PCDHA3: variants seen among roughly 807,000 people sequenced by gnomAD.
PCDHA3 encodes the protein protocadherin alpha 3.
Under a neutral mutation model 62.2 loss-of-function variants are expected in PCDHA3, and 41 were observed. That is an observed-to-expected ratio of 0.66 (90% CI 0.51 to 0.86). The LOEUF (loss-of-function observed/expected upper bound fraction) is 0.86. PCDHA3 is among the 40% of genes least tolerant of loss of function. The pLI is 0.00. For missense variants in PCDHA3, 1,304 were observed against 1,241.2 expected (o/e 1.05, Z -0.76); for synonymous variants, 640 against 555.4 (o/e 1.15, Z -2.14).
At chr5:140,842,662 C>A in intron 1 of PCDHA3, 1 of 1,595,426 alleles carries the variant, frequency 6.3e-7, no homozygotes, top group East Asian at 2.2e-5. Context: ...AGGTGGCCGA[C>A]GTGAACGACA....
At chr5:140,968,849 G>A in intron 1 of PCDHA3, 1 of 1,614,206 alleles carries the variant, frequency 6.2e-7, no homozygotes, top group East Asian at 2.2e-5. Context: ...TCAGAGGCAT[G>A]TTAAGAGCCC....
intron 1 of PCDHA3, among the ~76,000 whole-genome samples, chr5:140,890,854 T>G (rs1320462436): frequency 6.6e-6 from 1 of 152,232 alleles, no homozygotes; most frequent in Non-Finnish European, 1.5e-5. Context: ...TTTCTCTTCC[T>G]TACTTCTTGC....
chr5:140,929,161 C>T lies in PCDHA3; in HGVS notation c.2395-49788C>T. On this transcript the variant is annotated intron_variant, in intron 1 of 3. Transcript: ENST00000522353. ...GAGACTTTCTCAGACTTATCTCTAT[C>T]GGGCCTCTCTGGGACTTGGTTCTGA... 2 of 1,614,136 alleles carry T rather than the reference C, an allele frequency of 1.2e-6. No homozygotes were observed. The highest frequency in any genetic ancestry group is 1.7e-6 in the Non-Finnish European group (2 of 1,180,028).
At chr5:140,862,742 T>A (rs2047519053) in intron 1 of PCDHA3, 2 of 577,562 alleles carry the variant, frequency 3.5e-6, no homozygotes, top group East Asian at 4.8e-5. Context: ...TATGTGTGGG[T>A]GCACGCGGAG....
At chr5:140,849,620 C>T in intron 1 of PCDHA3, 2 of 1,598,618 alleles carry the variant, frequency 1.3e-6, no homozygotes, top group Non-Finnish European at 1.7e-6. Flanking sequence ...TTAGTGTGAT[C>T]GACCTAGACG....
At chr5:140,989,317 C>G (rs184467267) in intron 3 of PCDHA3, among the ~76,000 whole-genome samples, 2 of 152,126 alleles carry the variant, frequency 1.3e-5, no homozygotes, top group Non-Finnish European at 2.9e-5. Context: ...TAGGGTCTCA[C>G]CAACTTTGCC....
At chr5:140,924,906 TA>T (rs1284498744) in intron 1 of PCDHA3, among the ~76,000 whole-genome samples, 1 of 55,776 alleles carries the variant, frequency 1.8e-5, no homozygotes, top group African/African-American at 8.7e-5. Flanking sequence ...AAAAAAAAAA[TA>T]AAATAAAATA....
At position 140,848,676 on chromosome 5, in the gene PCDHA3, C is replaced by A. The variant is rs2150416820; in HGVS notation, c.2394+45085C>A. 8.2e-6 allele frequency: 13 copies of A among 1,592,292 alleles called. 1 individual carries two copies. The African/African-American group carries it at 1.1e-4, about 13-fold the overall frequency. ...GGGGCTGGAGCTGGCGGAGCTGGTG[C>A]CGCGCCTGTTCCAGTTGGATTCCAA... On this transcript the variant is annotated intron_variant, in intron 1 of 3. Transcript: ENST00000522353.
intron 1 of PCDHA3, among the ~76,000 whole-genome samples, chr5:140,978,584 C>G (rs2096810786): frequency 6.6e-6 from 1 of 152,186 alleles, no homozygotes; most frequent in African/African-American, 2.4e-5. Flanking sequence ...TGGGAATGTT[C>G]CCTTAATGGG....
At chr5:140,941,570 C>T (rs892912533) in intron 1 of PCDHA3, among the ~76,000 whole-genome samples, 17 of 152,046 alleles carry the variant, frequency 1.1e-4, no homozygotes, top group African/African-American at 4.1e-4. Context: ...TCGCCTCAGC[C>T]TCCCAAAGTG....
At chr5:140,858,172 G>A (rs1554151243) in intron 1 of PCDHA3, 1 of 1,597,816 alleles carries the variant, frequency 6.3e-7, no homozygotes, top group South Asian at 1.1e-5. Context: ...TGTCCAGCTT[G>A]CTGGTGCTCA....
chr5:140,951,021 G>A (rs960559037), intron 1 of PCDHA3, among the ~76,000 whole-genome samples: 1 of 151,932 alleles, frequency 6.6e-6, no homozygotes, highest in Non-Finnish European at 1.5e-5. Context: ...CAGGCAGTGA[G>A]TTTTAATTTC....
At chr5:140,804,752 C>T (rs1763454242) in intron 1 of PCDHA3, 1 of 225,414 alleles carries the variant, frequency 4.4e-6, no homozygotes, top group Non-Finnish European at 8.6e-6. Context: ...GTTATCTCCT[C>T]TAGCAATTAG....
At chr5:141,008,211 G>A (rs1032443788) in intron 3 of PCDHA3, among the ~76,000 whole-genome samples, 6 of 152,168 alleles carry the variant, frequency 3.9e-5, no homozygotes, top group Admixed American at 2.0e-4. Context: ...AACTTGACAT[G>A]AGTTATGTTA....
intron 1 of PCDHA3, chr5:140,877,677 C>T (rs1554169970): frequency 6.2e-7 from 1 of 1,613,678 alleles, no homozygotes. Context: ...GCGCGCCGGG[C>T]AAGCCCACGC....
At chr5:140,939,766 C>T (rs58911992) in intron 1 of PCDHA3, among the ~76,000 whole-genome samples, 27,055 of 152,058 alleles carry the variant, frequency 0.18, 2,673 homozygotes, top group African/African-American at 0.26. Context: ...TATAGTATTT[C>T]AGGGTGTGAA....
At chr5:140,877,533 G>A (rs1554169813) in intron 1 of PCDHA3, 2 of 1,613,790 alleles carry the variant, frequency 1.2e-6, no homozygotes, top group South Asian at 2.2e-5. Context: ...TGGGCGCTGT[G>A]GATCCCGAAG....
At chr5:140,878,358 A>G (rs2057559820) in intron 1 of PCDHA3, among the ~76,000 whole-genome samples, 1 of 152,254 alleles carries the variant, frequency 6.6e-6, no homozygotes, top group Non-Finnish European at 1.5e-5. Context: ...TATAAATGAT[A>G]TGTCTGACAT....
intron 1 of PCDHA3, chr5:140,828,810 C>G: frequency 3.1e-6 from 5 of 1,614,142 alleles, no homozygotes; most frequent in Non-Finnish European, 4.2e-6. Context: ...GATAATGCTC[C>G]CACTTTCGAA....
Sources: allele counts gnomAD v4.1 joint callset (sites outside exome capture counted in the v4.1 genomes callset), GRCh38; gene constraint gnomAD v4.1.1; transcripts MANE v1.5; gene names NCBI Gene and HGNC (gene_info 2026-07-23, HGNC 2026-07-21).